The following NUDCD1 variants were observed in gnomAD, a reference collection of about 807,000 sequenced individuals.
NUDCD1 encodes NudC domain containing 1.
Under a neutral mutation model 67.8 loss-of-function variants are expected in NUDCD1, and 60 were observed. That is an observed-to-expected ratio of 0.88 (90% CI 0.72 to 1.10). The LOEUF (loss-of-function observed/expected upper bound fraction) is 1.10. Among genes scored for constraint, NUDCD1 ranks in the 50% least tolerant of loss-of-function variants. NUDCD1 has a pLI of 0.00. For synonymous variants in NUDCD1, 244 were observed against 230.8 expected (o/e 1.06, Z -0.52); for missense variants, 643 against 695.0 (o/e 0.93, Z 0.84).
intron 3 of NUDCD1, among the ~76,000 whole-genome samples, chr8:109,294,715 T>C (rs539041429): frequency 2.0e-5 from 3 of 152,256 alleles, no homozygotes; most frequent in Admixed American, 6.5e-5. Context: ...TGTGATACCG[T>C]TGATACATGG....
intron 2 of NUDCD1, among the ~76,000 whole-genome samples, chr8:109,302,655 A>T (rs1217803003): frequency 6.6e-6 from 1 of 152,194 alleles, no homozygotes; most frequent in Non-Finnish European, 1.5e-5. Flanking sequence ...GCTGGAGATG[A>T]AGGCATAGCC....
intron 8 of NUDCD1, among the ~76,000 whole-genome samples, chr8:109,257,237 C>T (rs2129901667): frequency 6.6e-6 from 1 of 152,178 alleles, no homozygotes; most frequent in African/African-American, 2.4e-5. Context: ...CTACCCTGTA[C>T]ACTGAAATCT....
At chr8:109,304,461 G>A (rs1003568883) in intron 2 of NUDCD1, among the ~76,000 whole-genome samples, 24 of 152,020 alleles carry the variant, frequency 1.6e-4, no homozygotes, top group Non-Finnish European at 1.3e-4. Context: ...TATCTTCCAC[G>A]TCTATCCTTG....
chr8:109,284,267 T>C (rs993996367), intron 5 of NUDCD1, among the ~76,000 whole-genome samples: 2 of 152,168 alleles, frequency 1.3e-5, no homozygotes, highest in African/African-American at 4.8e-5. Flanking sequence ...GTGCTCAACA[T>C]TGGAGCACCC....
chr8:109,263,887 A>G (rs1813927916), intron 8 of NUDCD1, among the ~76,000 whole-genome samples: 1 of 152,236 alleles, frequency 6.6e-6, no homozygotes, highest in African/African-American at 2.4e-5. Context: ...TGCAAATAAT[A>G]GCACCACATA....
intron 8 of NUDCD1, among the ~76,000 whole-genome samples, chr8:109,246,147 C>A (rs1487208029): frequency 6.6e-6 from 1 of 152,100 alleles, no homozygotes; most frequent in Non-Finnish European, 1.5e-5. Flanking sequence ...GTCCCTGGTG[C>A]CAAAAAGGTT....
rs373061549 is a variant in NUDCD1 at position 109,250,316 on chromosome 8, G to A, written c.1300-4835C>T. The stretch of plus-strand genomic sequence containing the variant: ...CTGCCAGATGTTTGCTACTTCTTAG[G>A]TTGGCCAGATGCCACAAAAGGAAAA... On this transcript the variant is annotated intron_variant, in intron 8 of 9. Coordinates refer to ENST00000239690, the MANE Select transcript of NUDCD1 (RefSeq NM_032869.4). 7.7e-4 allele frequency among the ~76,000 whole-genome samples: 117 copies of A among 152,224 alleles called. 1 individual carries two copies. In the South Asian group the frequency reaches 0.023, roughly 30 times the overall value.
intron 2 of NUDCD1, among the ~76,000 whole-genome samples, chr8:109,306,211 C>T (rs572697436): frequency 6.6e-6 from 1 of 152,292 alleles, no homozygotes; most frequent in Admixed American, 6.5e-5. Context: ...CCCAATCCAC[C>T]ACTCTTGACT....
rs1450749774 is a variant in NUDCD1 at position 109,242,289 on chromosome 8, C to G, written c.*720G>C. On this transcript the variant is annotated 3_prime_UTR_variant, in exon 10 of 10. Coordinates refer to ENST00000239690, the MANE Select transcript of NUDCD1 (RefSeq NM_032869.4). ...ACTATGGAAAGAAGATTCGTCTAGT[C>G]TACTGGAGGCTGAGAGGCCCTGTAC... 4 of 394,618 alleles carry G rather than the reference C, an allele frequency of 1.0e-5. No homozygotes were observed. The highest frequency in any genetic ancestry group is 3.6e-5 in the East Asian group (1 of 28,010). The allele number at this position is 394,618 out of a possible 1,614,324, so 24.4% of individuals were successfully genotyped here.
Position 109,324,483 on chromosome 8 carries a change from TGGAAAATA to T in NUDCD1, c.119-2028_119-2021del, listed in dbSNP as rs1815621755. On this transcript the variant is annotated intron_variant, in intron 1 of 9. Coordinates refer to ENST00000239690, the MANE Select transcript of NUDCD1 (RefSeq NM_032869.4). ...GGAATGTAAATTAGTATAGCCATTA[TGGAAAATA>T]GTAAAGAGGTTTCTCAAAAAACTAA... Among the ~76,000 whole-genome samples, 3 of 151,948 alleles carry T rather than the reference TGGAAAATA, an allele frequency of 2.0e-5. No homozygotes were observed. The South Asian group carries it at 6.2e-4, about 31-fold the overall frequency.
chr8:109,270,080 G>GTGGC (rs1814106127), intron 8 of NUDCD1, among the ~76,000 whole-genome samples: 5 of 20,054 alleles, frequency 2.5e-4, no homozygotes, highest in East Asian at 2.1e-3. Flanking sequence ...GGGGGGGGGG[G>GTGGC]GGTGCCTTAA....
chr8:109,299,654 TCCTTCCCTACCCA>T (rs1295712178), intron 2 of NUDCD1, among the ~76,000 whole-genome samples: 1 of 151,974 alleles, frequency 6.6e-6, no homozygotes, highest in Non-Finnish European at 1.5e-5. Context: ...CACCCAATGG[TCCTTCCCTACCCA>T]CCTTGGGAAC....
intron 8 of NUDCD1, among the ~76,000 whole-genome samples, chr8:109,253,492 A>G (rs1160708839): frequency 6.6e-6 from 1 of 152,194 alleles, no homozygotes; most frequent in Non-Finnish European, 1.5e-5. Context: ...CTGACTTGCC[A>G]GTGAATTTGT....
chr8:109,270,824 CA>C (rs1814135013), intron 8 of NUDCD1, among the ~76,000 whole-genome samples, 180 bp downstream of exon 8: 1 of 151,964 alleles, frequency 6.6e-6, no homozygotes, highest in African/African-American at 2.4e-5. Context: ...ACAGTGGTAC[CA>C]AAACTATACA....
Position 109,241,173 on chromosome 8 carries a change from T to C in NUDCD1, c.*1836A>G, listed in dbSNP as rs1267897212. On this transcript the variant is annotated 3_prime_UTR_variant, in exon 10 of 10. Coordinates refer to ENST00000239690, the MANE Select transcript of NUDCD1 (RefSeq NM_032869.4). ...TTTAACGTAGGTCAACATGCGACAA[T>C]ATTTAGGATTAATTATCCTGAGAGC... 1 of 152,044 alleles carries C rather than the reference T, an allele frequency of 6.6e-6. No homozygotes were observed. Among genetic ancestry groups the C allele is most frequent in the Admixed American group, 6.6e-5 (1 of 15,246 alleles). 9.4% of individuals were successfully genotyped at this position (152,044 alleles called of 1,614,324 possible).
intron 8 of NUDCD1, among the ~76,000 whole-genome samples, chr8:109,262,172 C>T (rs1210477897): frequency 2.6e-5 from 4 of 152,212 alleles, no homozygotes; most frequent in Admixed American, 2.6e-4. Context: ...GTTAATTCTA[C>T]ATTTCTCTTT....
intron 1 of NUDCD1, among the ~76,000 whole-genome samples, chr8:109,325,227 C>G (rs1236401153): frequency 6.6e-6 from 1 of 152,012 alleles, no homozygotes; most frequent in African/African-American, 2.4e-5. Flanking sequence ...AGGGAGGTTG[C>G]TTAATGGGTA....
At chr8:109,245,542 A>G in intron 8 of NUDCD1, 61 bp from the exon 9 acceptor site, 2 of 1,331,348 alleles carry the variant, frequency 1.5e-6, no homozygotes, top group Non-Finnish European at 2.1e-6. Context: ...AACAATAACA[A>G]TGGCAGAAGC....
chr8:109,330,286 A>G (rs1815776436), intron 1 of NUDCD1, among the ~76,000 whole-genome samples: 1 of 152,230 alleles, frequency 6.6e-6, no homozygotes, highest in African/African-American at 2.4e-5. Context: ...AACATTATTT[A>G]AGACAAGAGA....
Sources: gnomAD v4.1 joint callset for allele counts (sites outside exome capture counted in the v4.1 genomes callset) on GRCh38, gnomAD v4.1.1 for gene constraint, MANE v1.5 for transcripts, NCBI Gene and HGNC (gene_info 2026-07-23, HGNC 2026-07-21) for gene names.